SKAP1: variants seen among roughly 807,000 people sequenced by gnomAD.
The protein encoded by SKAP1 is src kinase-associated phosphoprotein 1.
Under a neutral mutation model 58.5 loss-of-function variants are expected in SKAP1, and 44 were observed. The observed-to-expected ratio is 0.75, with a 90% CI of 0.59 to 0.97. The LOEUF (loss-of-function observed/expected upper bound fraction) is 0.97, where lower values mean the gene tolerates loss of function less well. SKAP1 is among the 50% of genes least tolerant of loss of function. The pLI, the probability that SKAP1 is intolerant of heterozygous loss-of-function variation, is 0.00. For missense variants in SKAP1, 390 were observed against 435.2 expected (o/e 0.90, Z 0.92); for synonymous variants, 127 against 149.7 (o/e 0.85, Z 1.11).
At chr17:48,395,403 T>C (rs999958776) in intron 2 of SKAP1, among the ~76,000 whole-genome samples, 7 of 152,268 alleles carry the variant, frequency 4.6e-5, no homozygotes, top group African/African-American at 1.4e-4. Flanking sequence ...AAATACACCA[T>C]TATATTTAGG....
intron 3 of SKAP1, among the ~76,000 whole-genome samples, chr17:48,360,700 T>C (rs1490665559): frequency 6.6e-6 from 1 of 152,208 alleles, no homozygotes; most frequent in Non-Finnish European, 1.5e-5. Flanking sequence ...ATTAAAGTAA[T>C]GTATTCTTTG....
intron 4 of SKAP1, among the ~76,000 whole-genome samples, chr17:48,323,442 T>G (rs1208228803): frequency 3.3e-5 from 5 of 152,104 alleles, no homozygotes; most frequent in African/African-American, 1.2e-4. Context: ...CTCACTTAGA[T>G]CATTAGAAAG....
intron 4 of SKAP1, among the ~76,000 whole-genome samples, chr17:48,279,748 T>C (rs1162857692): frequency 2.6e-5 from 4 of 152,226 alleles, no homozygotes; most frequent in African/African-American, 9.6e-5. Flanking sequence ...TTAGCTTCCC[T>C]TTCCCCAACG....
At chr17:48,279,263 T>G (rs1312101338) in intron 4 of SKAP1, among the ~76,000 whole-genome samples, 1 of 152,078 alleles carries the variant, frequency 6.6e-6, no homozygotes, top group Non-Finnish European at 1.5e-5. Flanking sequence ...CTGGTAGAAG[T>G]GCAAAGGTCT....
At chr17:48,242,269 C>G (rs1051212962) in intron 4 of SKAP1, among the ~76,000 whole-genome samples, 2 of 152,116 alleles carry the variant, frequency 1.3e-5, no homozygotes, top group Non-Finnish European at 2.9e-5. Context: ...GAATGAACGT[C>G]GTTGATCAGT....
At chr17:48,171,253 C>T (rs763793334) in intron 9 of SKAP1, among the ~76,000 whole-genome samples, 4 of 151,720 alleles carry the variant, frequency 2.6e-5, no homozygotes, top group Non-Finnish European at 5.9e-5. Flanking sequence ...ATTACAGGCT[C>T]ACAGCACCAT....
chr17:48,331,273 T>A (rs8073570), intron 4 of SKAP1, among the ~76,000 whole-genome samples: 22,407 of 151,770 alleles, frequency 0.15, 1,895 homozygotes, highest in Non-Finnish European at 0.19. Flanking sequence ...GTGGATTTTT[T>A]AAAAAAAAAT....
chr17:48,410,639 G>A (rs1374600943), intron 1 of SKAP1, among the ~76,000 whole-genome samples: 4 of 151,778 alleles, frequency 2.6e-5, no homozygotes, highest in Admixed American at 6.6e-5. Flanking sequence ...CAAAAGGGGC[G>A]CAGGAGGTCG....
At chr17:48,397,985 G>A (rs544391013) in intron 1 of SKAP1, among the ~76,000 whole-genome samples, 10 of 152,250 alleles carry the variant, frequency 6.6e-5, no homozygotes, top group South Asian at 2.1e-4. Flanking sequence ...CCCCAAAAGC[G>A]TATAAATAAT....
At chr17:48,186,654 T>C (rs146477871) in intron 6 of SKAP1, among the ~76,000 whole-genome samples, 1,740 of 152,132 alleles carry the variant, frequency 0.011, 33 homozygotes, top group African/African-American at 0.04. Context: ...TTTTTAGTAG[T>C]AGAGACGGGG....
intron 1 of SKAP1, among the ~76,000 whole-genome samples, chr17:48,419,879 T>C (rs1391086761): frequency 2.0e-5 from 3 of 152,216 alleles, no homozygotes; most frequent in Non-Finnish European, 4.4e-5. Context: ...ATTCAAATAA[T>C]TCACAAATGA....
intron 4 of SKAP1, among the ~76,000 whole-genome samples, chr17:48,267,261 A>C (rs1267012543): frequency 6.6e-6 from 1 of 152,232 alleles, no homozygotes; most frequent in African/African-American, 2.4e-5. Flanking sequence ...CTTAGAGAAA[A>C]AAAGACAAAA....
chr17:48,409,783 C>T (rs532185788), intron 1 of SKAP1, among the ~76,000 whole-genome samples: 126 of 151,946 alleles, frequency 8.3e-4, no homozygotes, highest in South Asian at 7.5e-3. Context: ...GAAATTATAC[C>T]GTATCATACT....
rs763295418 is a variant in SKAP1, at chr17:48,363,833, A to G, written c.153-19T>C. The stretch of plus-strand genomic sequence containing the variant: ...ATAGTACCTGAAATACAAGGGGGAA[A>G]AAAAAAGGGAATAAGTCAAACTTGT... On this transcript the variant is annotated intron_variant, in intron 2 of 12. Coordinates refer to ENST00000336915, the MANE Select transcript of SKAP1 (RefSeq NM_003726.4). The G allele has an allele frequency of 1.9e-6, 3 of 1,603,648 alleles. No homozygotes were observed. Among genetic ancestry groups the G allele is most frequent in the Non-Finnish European group, 2.6e-6 (3 of 1,174,786 alleles).
chr17:48,167,305 T>A (rs2143330621), intron 10 of SKAP1, among the ~76,000 whole-genome samples: 1 of 152,314 alleles, frequency 6.6e-6, no homozygotes, highest in Admixed American at 6.5e-5. Context: ...AGTTTTGAAA[T>A]TACTATGATC....
intron 4 of SKAP1, among the ~76,000 whole-genome samples, chr17:48,194,370 A>T (rs186018805): frequency 1.8e-4 from 28 of 152,222 alleles, no homozygotes; most frequent in Non-Finnish European, 8.8e-5. Flanking sequence ...GCTAAACATG[A>T]CTCTTTAGTC....
chr17:48,429,855 G>A (rs926336352), intron 1 of SKAP1, among the ~76,000 whole-genome samples: 18 of 152,210 alleles, frequency 1.2e-4, no homozygotes, highest in African/African-American at 4.3e-4. Context: ...AGGCGTGGAG[G>A]TGCCTCAAGG....
intron 4 of SKAP1, among the ~76,000 whole-genome samples, chr17:48,257,628 C>CTTTTTTTTTTTTTTTTTTTTTTGTTT (rs56225931): frequency 9.0e-6 from 1 of 111,150 alleles, no homozygotes; most frequent in African/African-American, 3.2e-5. Flanking sequence ...TTCTTTCTTT[C>CTTTTTTTTTTTTTTTTTTTTTTGTTT]TTTTTTTTTT....
At chr17:48,429,944 G>A (rs1289114901) in intron 1 of SKAP1, 131 bp downstream of exon 1, 24 of 705,618 alleles carry the variant, frequency 3.4e-5, no homozygotes, top group Non-Finnish European at 4.4e-5. Context: ...GGGAGTTGAG[G>A]GCTCTAGAAG....
Sources: gnomAD v4.1 joint callset for allele counts (sites outside exome capture counted in the v4.1 genomes callset) on GRCh38, gnomAD v4.1.1 for gene constraint, MANE v1.5 for transcripts, NCBI Gene and HGNC (gene_info 2026-07-23, HGNC 2026-07-21) for gene names.